Variants in CAPN7 observed in about 807,000 individuals in gnomAD.
CAPN7 encodes the protein calpain-7.
CAPN7 carries 72 observed loss-of-function variants against 115.2 expected under a neutral mutation model. The ratio of observed to expected loss-of-function variants is 0.63; its 90% confidence interval spans 0.52 to 0.76. The LOEUF is 0.76. Among genes scored for constraint, CAPN7 ranks in the 30% least tolerant of loss-of-function variants. CAPN7 has a pLI of 0.00. For synonymous variants in CAPN7, 344 were observed against 322.3 expected, an observed-to-expected ratio of 1.07 and a Z score of -0.72; for missense variants, 905 against 971.5, an observed-to-expected ratio of 0.93 and a Z score of 0.91.
chr3:15,247,554 C>A, intron 19 of CAPN7, 97 bp downstream of exon 19: 1 of 918,088 alleles, frequency 1.1e-6, no homozygotes, highest in Non-Finnish European at 1.6e-6. Context: ...CATATATGGA[C>A]ATTGGATTTA....
intron 1 of CAPN7, among the ~76,000 whole-genome samples, chr3:15,207,826 G>C (rs2044717279): frequency 1.3e-5 from 2 of 152,040 alleles, no homozygotes; most frequent in Admixed American, 1.3e-4. Flanking sequence ...AATATCTCCT[G>C]AAGGACATGT....
chr3:15,217,617 T>C (rs201733214), intron 3 of CAPN7, 35 bp downstream of exon 3: 342 of 1,519,826 alleles, frequency 2.3e-4, no homozygotes, highest in Non-Finnish European at 2.4e-4. Context: ...TGATGAGTTA[T>C]GCCAAACCAT....
At chr3:15,245,445 AGTAATTATTTTTC>A (rs1405527998) in intron 16 of CAPN7, 68 bp from the exon 17 acceptor site, 3 of 1,283,880 alleles carry the variant, frequency 2.3e-6, no homozygotes, top group African/African-American at 1.5e-5. Context: ...TGTCCATCCA[AGTAATTATTTTTC>A]CTACATCAAC....
At chr3:15,214,165 C>CCA (rs1251643620) in intron 2 of CAPN7, among the ~76,000 whole-genome samples, 1 of 152,058 alleles carries the variant, frequency 6.6e-6, no homozygotes, top group Non-Finnish European at 1.5e-5. Context: ...CAGGCGTGAG[C>CCA]CACCATGCCT....
intron 10 of CAPN7, 71 bp from the exon 11 acceptor site, chr3:15,233,796 G>A (rs1374664903): frequency 1.2e-6 from 1 of 803,048 alleles, no homozygotes; most frequent in African/African-American, 1.7e-5. Context: ...TCAGTGAGAT[G>A]TAATAGCTGC....
At position 15,217,540 on chromosome 3, in the gene CAPN7, T is replaced by C. The variant is rs774302110; in HGVS notation, c.327T>C (p.Ala109=). 1 of 1,613,854 alleles carries C rather than the reference T, an allele frequency of 6.2e-7. No homozygotes were observed. Among genetic ancestry groups the C allele is most frequent in the Admixed American group, 1.7e-5 (1 of 60,012 alleles). The change falls in exon 3 of 21, where the codon GCT becomes GCC. Residue 109 remains alanine, a synonymous_variant. Coordinates refer to ENST00000253693, the MANE Select transcript of CAPN7 (RefSeq NM_014296.3). ...ATGAAAAAGAGAATGTTGAAGATGC[T>C]ATAGAATTGTACACAGAAGCTGTGG... ...DEDEKENVED[A]IELYTEAVDL...
intron 6 of CAPN7, among the ~76,000 whole-genome samples, chr3:15,225,686 C>T (rs1020601190): frequency 3.9e-5 from 6 of 152,134 alleles, no homozygotes; most frequent in African/African-American, 1.4e-4. Context: ...GCTACTCTAG[C>T]ATATAAACTT....
intron 1 of CAPN7, among the ~76,000 whole-genome samples, chr3:15,208,057 A>G (rs2044728987): frequency 6.6e-6 from 1 of 152,198 alleles, no homozygotes; most frequent in African/African-American, 2.4e-5. Flanking sequence ...GTGCTATGAC[A>G]TTATGATGGC....
rs376612633 is a variant in CAPN7, at chr3:15,210,901, C to T, written c.103-1203C>T. On this transcript the variant is annotated intron_variant, in intron 1 of 20. Transcript: ENST00000253693. ...GGCATGATGACCCATGAAGTGTACA[C>T]GCTTGGGTTACTGCAGAGAAGGTGC... 4.0e-5 allele frequency: 51 copies of T among 1,270,642 alleles called. No individual in the cohort carries two copies. The Middle Eastern group carries it at 6.5e-4, about 16-fold the overall frequency. 78.7% of individuals were successfully genotyped at this position (1,270,642 alleles called of 1,614,324 possible).
At chr3:15,227,768 G>A in intron 6 of CAPN7, 71 bp from the exon 7 acceptor site, 1 of 998,938 alleles carries the variant, frequency 1.0e-6, no homozygotes, top group South Asian at 2.9e-5. Context: ...AAATCTCTAG[G>A]AAATTTAATT....
chr3:15,211,009 C>G, intron 1 of CAPN7: 1 of 935,568 alleles, frequency 1.1e-6, no homozygotes, highest in Non-Finnish European at 1.3e-6. Context: ...AGAATGGAAA[C>G]ACCACCTTCT....
At chr3:15,209,338 A>G (rs1204346967) in intron 1 of CAPN7, among the ~76,000 whole-genome samples, 1 of 152,160 alleles carries the variant, frequency 6.6e-6, no homozygotes, top group Non-Finnish European at 1.5e-5. Context: ...TTGATAGGTA[A>G]TGTACATAGT....
At chr3:15,215,462 C>A (rs1191825462) in intron 2 of CAPN7, among the ~76,000 whole-genome samples, 1 of 152,138 alleles carries the variant, frequency 6.6e-6, no homozygotes, top group African/African-American at 2.4e-5. Context: ...TTTCATCACC[C>A]CAAGAGAAAC....
At chr3:15,210,928 G>A (rs2044902869) in intron 1 of CAPN7, 2 of 1,195,376 alleles carry the variant, frequency 1.7e-6, no homozygotes, top group Non-Finnish European at 2.1e-6. Context: ...AGAAGGTGCT[G>A]TTACTTGTAG....
At chr3:15,224,833 T>A (rs1694218540) in intron 6 of CAPN7, among the ~76,000 whole-genome samples, 1 of 152,260 alleles carries the variant, frequency 6.6e-6, no homozygotes, top group Admixed American at 6.5e-5. Context: ...AGTGTTTTGC[T>A]GTTCTTTTGC....
At chr3:15,221,078 C>T (rs1265826029) in intron 5 of CAPN7, 97 bp downstream of exon 5, 1 of 920,110 alleles carries the variant, frequency 1.1e-6, no homozygotes, top group Non-Finnish European at 1.7e-6. Flanking sequence ...TCAGATTTCT[C>T]CTATAGTGTA....
Position 15,241,437 on chromosome 3 carries a change from T to C in CAPN7, c.1653-16T>C, listed in dbSNP as rs1313439455. 1 of 1,609,918 alleles carries C rather than the reference T, an allele frequency of 6.2e-7. No individual in the cohort carries two copies. Among genetic ancestry groups the C allele is most frequent in the Admixed American group, 1.7e-5 (1 of 59,264 alleles). Reference sequence around the variant, plus strand: ...GAAATTTAATTACAACCTTCTTTGTTGACTTTATCTTTTAGTACTTGGGAT... The same window carrying C: ...GAAATTTAATTACAACCTTCTTTGTCGACTTTATCTTTTAGTACTTGGGAT... On this transcript the variant is annotated splice_polypyrimidine_tract_variant and intron_variant, in intron 14 of 20. Transcript: ENST00000253693.
chr3:15,206,729 C>T, intron 1 of CAPN7, 132 bp downstream of exon 1: 1 of 660,978 alleles, frequency 1.5e-6, no homozygotes, highest in Non-Finnish European at 2.5e-6. Context: ...GCCTCCCGGC[C>T]CTCCTCTTGT....
At chr3:15,217,265 G>C (rs1693683111) in intron 2 of CAPN7, among the ~76,000 whole-genome samples, 160 bp from the exon 3 acceptor site, 1 of 146,874 alleles carries the variant, frequency 6.8e-6, no homozygotes, top group Non-Finnish European at 1.5e-5. Flanking sequence ...AAAAAGAAGG[G>C]AGGAAATTTG....
Sources: gnomAD v4.1 joint callset for allele counts (sites outside exome capture counted in the v4.1 genomes callset) on GRCh38, gnomAD v4.1.1 for gene constraint, MANE v1.5 for transcripts, NCBI Gene and HGNC (gene_info 2026-07-23, HGNC 2026-07-21) for gene names.